The following MDGA2 variants were observed in gnomAD, a reference collection of about 807,000 sequenced individuals.
MDGA2 encodes MAM domain containing glycosylphosphatidylinositol anchor 2.
MDGA2 carries 40 observed loss-of-function variants against 117.8 expected under a neutral mutation model. That is an observed-to-expected ratio of 0.34 (90% CI 0.26 to 0.44). The LOEUF (loss-of-function observed/expected upper bound fraction) is 0.44, where lower values mean the gene tolerates loss of function less well. MDGA2 is among the 20% of genes least tolerant of loss of function. MDGA2 has a pLI of 1.00. For synonymous variants in MDGA2, 452 were observed against 439.0 expected (o/e 1.03, Z -0.37); for missense variants, 1,123 against 1,250.6 (o/e 0.90, Z 1.54).
At chr14:46,975,752 A>C (rs1033242212) in intron 8 of MDGA2, among the ~76,000 whole-genome samples, 22 of 152,076 alleles carry the variant, frequency 1.4e-4, no homozygotes, top group Admixed American at 1.3e-3. Context: ...TGGCTTATAA[A>C]TATTTATTTC....
chr14:47,272,512 A>T (rs1479132970), intron 2 of MDGA2, among the ~76,000 whole-genome samples: 1 of 152,164 alleles, frequency 6.6e-6, no homozygotes, highest in Non-Finnish European at 1.5e-5. Context: ...CTGCCCTTCT[A>T]GGATGGACCT....
At chr14:47,674,052 A>G (rs1324478313) in intron 1 of MDGA2, among the ~76,000 whole-genome samples, 1 of 141,824 alleles carries the variant, frequency 7.1e-6, no homozygotes, top group African/African-American at 2.5e-5. Context: ...AAATCAAGGC[A>G]TGTAGGCATT....
chr14:47,060,275 T>C (rs540002792), intron 7 of MDGA2, among the ~76,000 whole-genome samples: 1 of 152,214 alleles, frequency 6.6e-6, no homozygotes, highest in African/African-American at 2.4e-5. Flanking sequence ...GCCTGAATCA[T>C]AAACTTCTAT....
In MDGA2 at chr14:46,840,672, C is replaced by T. The variant is rs1880570847; in HGVS notation, c.*1259G>A. 6.6e-6 allele frequency: 1 copy of T among 152,556 alleles called. No homozygotes were observed. Among genetic ancestry groups the T allele is most frequent in the Non-Finnish European group, 1.5e-5 (1 of 68,006 alleles). 9.5% of individuals were successfully genotyped at this position (152,556 alleles called of 1,614,324 possible). ...AGTTCCACTGTAGAGTTAGTATGCACTGCAATCCCAAACATTTTCTTGTTC... is the reference window on the plus strand; with the variant it reads ...AGTTCCACTGTAGAGTTAGTATGCATTGCAATCCCAAACATTTTCTTGTTC... On this transcript the variant is annotated 3_prime_UTR_variant, in exon 17 of 17. Transcript: ENST00000399232.
At chr14:47,296,178 C>G (rs1176233686) in intron 2 of MDGA2, among the ~76,000 whole-genome samples, 1 of 151,882 alleles carries the variant, frequency 6.6e-6, no homozygotes, top group Non-Finnish European at 1.5e-5. Flanking sequence ...ACACTTCATA[C>G]TAAGGACAAA....
chr14:47,298,273 T>C (rs898472888), intron 2 of MDGA2, among the ~76,000 whole-genome samples: 1 of 152,138 alleles, frequency 6.6e-6, no homozygotes, highest in Non-Finnish European at 1.5e-5. Context: ...TCTCCTTCAC[T>C]TGTTTCATTT....
intron 1 of MDGA2, among the ~76,000 whole-genome samples, chr14:47,654,052 A>G (rs577141138): frequency 6.6e-6 from 1 of 152,282 alleles, no homozygotes; most frequent in African/African-American, 2.4e-5. Context: ...ACAAAAGAAA[A>G]CTAACACAAC....
chr14:47,592,016 T>A (rs530250687), intron 1 of MDGA2, among the ~76,000 whole-genome samples: 5 of 152,206 alleles, frequency 3.3e-5, no homozygotes, highest in African/African-American at 9.6e-5. Flanking sequence ...CAAAAGCTTC[T>A]TAAGCTGATA....
At chr14:47,120,000 C>T (rs1204604829) in intron 5 of MDGA2, among the ~76,000 whole-genome samples, 1 of 152,120 alleles carries the variant, frequency 6.6e-6, no homozygotes, top group Non-Finnish European at 1.5e-5. Flanking sequence ...CATTTCAGAA[C>T]TACAAACATT....
At position 47,393,592 on chromosome 14, in the gene MDGA2, C is replaced by A. The variant is rs552654583; in HGVS notation, c.281-92042G>T. ...GCTTAAGGCCCCTTATTTGCACAGT[C>A]TGTTTCCAAGGACCAGCCTCTGGTT... On this transcript the variant is annotated intron_variant, in intron 1 of 16. Coordinates refer to ENST00000399232, the MANE Select transcript of MDGA2 (RefSeq NM_001113498.3). Among the ~76,000 whole-genome samples the A allele has an allele frequency of 3.9e-5, 6 of 152,194 alleles. No homozygotes were observed. In the South Asian group the frequency reaches 1.2e-3, roughly 32 times the overall value.
chr14:47,350,055 T>C (rs1262532386), intron 1 of MDGA2, among the ~76,000 whole-genome samples: 3 of 152,254 alleles, frequency 2.0e-5, no homozygotes, highest in Non-Finnish European at 4.4e-5. Context: ...TGACTGACTG[T>C]GTCCATTTAG....
chr14:47,253,816 G>C (rs899929684), intron 2 of MDGA2, among the ~76,000 whole-genome samples: 2 of 152,226 alleles, frequency 1.3e-5, no homozygotes, highest in African/African-American at 4.8e-5. Flanking sequence ...TTCTCCATGA[G>C]GGCTCTGCCC....
intron 1 of MDGA2, among the ~76,000 whole-genome samples, chr14:47,460,084 T>C (rs1002204321): frequency 1.3e-5 from 2 of 152,204 alleles, no homozygotes; most frequent in Non-Finnish European, 2.9e-5. Context: ...GATTCTAATA[T>C]TTAACGATGA....
chr14:47,196,499 A>G (rs939171010), intron 3 of MDGA2, among the ~76,000 whole-genome samples: 2 of 152,220 alleles, frequency 1.3e-5, no homozygotes, highest in Non-Finnish European at 2.9e-5. Context: ...CACTAACTTT[A>G]TATAACATCA....
chr14:46,994,427 G>C (rs1887209716), intron 8 of MDGA2, among the ~76,000 whole-genome samples: 1 of 152,066 alleles, frequency 6.6e-6, no homozygotes, highest in Admixed American at 6.6e-5. Flanking sequence ...GCAAAGGATT[G>C]TGTCCTCAAG....
At chr14:47,540,540 G>GTGTATATATATA in intron 1 of MDGA2, among the ~76,000 whole-genome samples, 3 of 79,186 alleles carry the variant, frequency 3.8e-5, no homozygotes, top group East Asian at 4.9e-4. Flanking sequence ...GTGTGTGTGT[G>GTGTATATATATA]TATATATATA....
chr14:47,261,661 C>T (rs533348272), intron 2 of MDGA2, among the ~76,000 whole-genome samples: 2 of 152,194 alleles, frequency 1.3e-5, no homozygotes, highest in South Asian at 4.1e-4. Context: ...AAGGTTTTTC[C>T]TCTTTACACT....
intron 7 of MDGA2, among the ~76,000 whole-genome samples, chr14:47,049,014 C>T (rs1354662381): frequency 2.0e-5 from 3 of 151,936 alleles, no homozygotes; most frequent in Non-Finnish European, 2.9e-5. Flanking sequence ...GAGTTTAATA[C>T]AATTTTTTAA....
intron 7 of MDGA2, chr14:47,058,866 T>C (rs1566598648): frequency 1.7e-5 from 17 of 985,398 alleles, no homozygotes; most frequent in East Asian, 1.1e-4. Context: ...GCCATCCGTG[T>C]AGCCACACTT....
Sources: allele counts gnomAD v4.1 joint callset (sites outside exome capture counted in the v4.1 genomes callset), GRCh38; gene constraint gnomAD v4.1.1; transcripts MANE v1.5; gene names NCBI Gene and HGNC (gene_info 2026-07-23, HGNC 2026-07-21).